The following PAX2 variants were observed in gnomAD, a reference collection of about 807,000 sequenced individuals.
The protein encoded by PAX2 is paired box 2, also known as paired box protein Pax-2.
A neutral mutation model predicts 41.7 loss-of-function variants in PAX2; 9 were observed. That is an observed-to-expected ratio of 0.22 (90% CI 0.13 to 0.38). The LOEUF (loss-of-function observed/expected upper bound fraction) is 0.38. Among genes scored for constraint, PAX2 ranks in the 10% least tolerant of loss-of-function variants. PAX2 has a pLI of 1.00. For synonymous variants in PAX2, 221 were observed against 212.7 expected (o/e 1.04, Z -0.34); for missense variants, 418 against 531.6 (o/e 0.79, Z 2.10).
chr10:100,813,312 T>C (rs183496522), intron 7 of PAX2, among the ~76,000 whole-genome samples: 1 of 152,358 alleles, frequency 6.6e-6, no homozygotes, highest in East Asian at 1.9e-4. Flanking sequence ...GAGATTGATG[T>C]CTGGGACCCA....
At position 100,781,287 on chromosome 10, in the gene PAX2, G is replaced by A. The variant is rs1846612619; in HGVS notation, c.538G>A (p.Asp180Asn). 12 of 1,613,572 alleles carry A rather than the reference G, an allele frequency of 7.4e-6. No homozygotes were observed. The highest frequency in any genetic ancestry group is 1.0e-5 in the Non-Finnish European group (12 of 1,179,512). ...CCCTCCTGTTTCCAGCGCCTCCAAT[G>A]ACCCAGTGGGATCCTACTCCATCAA... ...ASPPVSSASN[D>N]PVGSYSINGI... The change falls in exon 5 of 10, where the codon GAC becomes AAC. Residue 180 changes from aspartate (D) to asparagine (N), a missense_variant. Asp to Asn is a conservative substitution (Grantham distance 23, BLOSUM62 1). Transcript: ENST00000355243.
chr10:100,751,657 G>T (rs1373444017), intron 3 of PAX2, among the ~76,000 whole-genome samples: 1 of 152,152 alleles, frequency 6.6e-6, no homozygotes, highest in African/African-American at 2.4e-5. Flanking sequence ...AGGTCTCCTG[G>T]TCTCCAAACC....
chr10:100,797,312 A>G (rs1354877414), intron 5 of PAX2, among the ~76,000 whole-genome samples: 1 of 152,210 alleles, frequency 6.6e-6, no homozygotes, highest in Admixed American at 6.5e-5. Flanking sequence ...AAATTACCTA[A>G]TCTCTCTATC....
rs2133833617 is a variant in PAX2 at position 100,749,774 on chromosome 10, G to A, written c.72G>A (p.Gly24=). Residue 24 remains glycine, a synonymous_variant, in exon 2 of 10, where the codon GGG becomes GGA. Transcript: ENST00000355243. ...GGCACGGGGGTGTGAACCAGCTCGGGGGGGTGTTTGTGAACGGCCGGCCCC... is the reference window on the plus strand; with the variant it reads ...GGCACGGGGGTGTGAACCAGCTCGGAGGGGTGTTTGTGAACGGCCGGCCCC... ...HPGHGGVNQL[G]GVFVNGRPLP... is the part of the protein sequence containing the mutation. 6.2e-7 allele frequency: 1 copy of A among 1,612,090 alleles called. No individual in the cohort carries two copies.
At chr10:100,779,612 C>T (rs1208565449) in intron 4 of PAX2, 29 bp downstream of exon 4, 2 of 1,496,658 alleles carry the variant, frequency 1.3e-6, no homozygotes, top group South Asian at 2.4e-5. Context: ...GGGGAGGAAA[C>T]CAGATCCCAC....
chr10:100,749,644 C>G, intron 1 of PAX2, 102 bp from the exon 2 acceptor site: 1 of 1,519,024 alleles, frequency 6.6e-7, no homozygotes, highest in South Asian at 1.3e-5. Flanking sequence ...CATGCCCTTC[C>G]GCCCTGCCTG....
intron 4 of PAX2, among the ~76,000 whole-genome samples, chr10:100,780,041 T>C (rs934656000): frequency 1.3e-5 from 2 of 151,970 alleles, no homozygotes; most frequent in Non-Finnish European, 2.9e-5. Context: ...CTCTGTCTTC[T>C]CCCCTTGGCT....
At chr10:100,771,823 T>C (rs201381584) in intron 3 of PAX2, among the ~76,000 whole-genome samples, 1 of 150,406 alleles carries the variant, frequency 6.6e-6, no homozygotes, top group Admixed American at 6.6e-5. Context: ...TTTTTTTTTT[T>C]CTAAGACACA....
intron 3 of PAX2, among the ~76,000 whole-genome samples, chr10:100,772,890 A>G (rs146961197): frequency 2.5e-3 from 374 of 152,356 alleles, no homozygotes; most frequent in Admixed American, 4.1e-3. Context: ...TCATGGTGAC[A>G]TACTTGGAGA....
intron 3 of PAX2, among the ~76,000 whole-genome samples, chr10:100,761,944 C>A (rs1472506019): frequency 6.6e-6 from 1 of 152,098 alleles, no homozygotes; most frequent in Non-Finnish European, 1.5e-5. Context: ...GGTTTCCCAC[C>A]CTCCTTCCCC....
intron 5 of PAX2, among the ~76,000 whole-genome samples, chr10:100,802,029 T>C (rs961951299): frequency 3.9e-5 from 6 of 152,212 alleles, no homozygotes; most frequent in African/African-American, 7.2e-5. Context: ...TCTTGATACT[T>C]GTGAGCTGCT....
intron 5 of PAX2, among the ~76,000 whole-genome samples, chr10:100,803,523 C>G (rs1476430997): frequency 6.6e-6 from 1 of 152,052 alleles, no homozygotes; most frequent in Non-Finnish European, 1.5e-5. Flanking sequence ...TGGCTGTCCC[C>G]CACCAGTAAT....
At chr10:100,819,817 TTGCTTTTCTC>T (rs1190326092) in intron 7 of PAX2, among the ~76,000 whole-genome samples, 2 of 152,238 alleles carry the variant, frequency 1.3e-5, no homozygotes, top group Non-Finnish European at 2.9e-5. Flanking sequence ...GTCTTTCACT[TTGCTTTTCTC>T]TGTACTTGTA....
chr10:100,748,571 T>C lies in PAX2; in HGVS notation c.44-1175T>C. ...GCCGCTAGAAGTCTCTGCGCTTGGA[T>C]TGCTCAGTACCTGCGGCTACGGGTT... On this transcript the variant is annotated intron_variant, in intron 1 of 9. Transcript: ENST00000355243. This position sits in a 1 kb window ranked among gnomAD's most constrained non-coding sequence, Gnocchi z 5.0. 1 of 985,380 alleles carries C rather than the reference T, an allele frequency of 1.0e-6. No individual in the cohort carries two copies. The allele number at this position is 985,380 out of a possible 1,614,324, so 61.0% of individuals were successfully genotyped here.
At chr10:100,804,202 C>T (rs1217860131) in intron 5 of PAX2, among the ~76,000 whole-genome samples, 2 of 151,450 alleles carry the variant, frequency 1.3e-5, no homozygotes, top group Admixed American at 1.3e-4. Flanking sequence ...TCTGAAGGGC[C>T]CCTGAATAAA....
intron 6 of PAX2, 84 bp downstream of exon 6, chr10:100,806,689 A>G (rs1348037543): frequency 4.5e-6 from 5 of 1,117,606 alleles, no homozygotes; most frequent in Admixed American, 3.4e-5. Context: ...TAAACACCAC[A>G]TGCATAGCCA....
intron 3 of PAX2, among the ~76,000 whole-genome samples, chr10:100,762,564 C>T (rs1023603707): frequency 4.6e-5 from 7 of 151,928 alleles, no homozygotes; most frequent in Non-Finnish European, 7.4e-5. Flanking sequence ...TAAATTAAGT[C>T]GAGGGGAGAG....
intron 3 of PAX2, among the ~76,000 whole-genome samples, chr10:100,775,001 A>C (rs1245571052): frequency 2.0e-5 from 3 of 152,248 alleles, no homozygotes; most frequent in Non-Finnish European, 4.4e-5. Flanking sequence ...GAGAAAGAGC[A>C]TCTTGTGAAG....
chr10:100,779,348 C>T (rs1317276335), intron 3 of PAX2, 150 bp from the exon 4 acceptor site: 25 of 749,640 alleles, frequency 3.3e-5, no homozygotes, highest in Non-Finnish European at 5.7e-5. Context: ...CTGTGCCTTG[C>T]AGCAGTCAGT....
Sources: allele counts gnomAD v4.1 joint callset (sites outside exome capture counted in the v4.1 genomes callset), GRCh38; gene constraint gnomAD v4.1.1; non-coding constraint Gnocchi (gnomAD v3.1); transcripts MANE v1.5; gene names NCBI Gene and HGNC (gene_info 2026-07-23, HGNC 2026-07-21).